The following ESR1 variants were observed in gnomAD, a reference collection of about 807,000 sequenced individuals.
The protein encoded by ESR1 is estrogen receptor.
ESR1 carries 12 observed loss-of-function variants against 52.7 expected under a neutral mutation model. The ratio of observed to expected loss-of-function variants is 0.23; its 90% confidence interval spans 0.15 to 0.37. The LOEUF is 0.37. Ranked by LOEUF, ESR1 falls within the 10% of genes least tolerant of loss-of-function variation. The pLI is 1.00. For missense variants in ESR1, 584 were observed against 779.7 expected (o/e 0.75, Z 2.99); for synonymous variants, 305 against 316.8 (o/e 0.96, Z 0.39).
intron 2 of ESR1, among the ~76,000 whole-genome samples, chr6:151,738,091 G>C (rs1395488646): frequency 6.6e-6 from 1 of 152,064 alleles, no homozygotes; most frequent in Admixed American, 6.6e-5. Flanking sequence ...ACATTTCATT[G>C]TTGTCTTTTC....
intron 1 of ESR1, among the ~76,000 whole-genome samples, chr6:151,694,322 G>A (rs1164525867): frequency 2.0e-5 from 3 of 152,198 alleles, no homozygotes; most frequent in Non-Finnish European, 4.4e-5. Context: ...GGGAAAGCAG[G>A]TTAAGCATCT....
chr6:151,855,116 G>A (rs766788712), intron 2 of ESR1, among the ~76,000 whole-genome samples: 1 of 152,178 alleles, frequency 6.6e-6, no homozygotes, highest in Non-Finnish European at 1.5e-5. Flanking sequence ...GTTTCACTGT[G>A]TTGGGCACAC....
intron 6 of ESR1, among the ~76,000 whole-genome samples, chr6:152,066,818 T>C (rs971526188): frequency 3.3e-5 from 5 of 152,196 alleles, no homozygotes. Context: ...TGCCACTTCC[T>C]TGGCGGAAGG....
chr6:152,024,493 C>T (rs2043954754), intron 5 of ESR1, among the ~76,000 whole-genome samples: 1 of 151,550 alleles, frequency 6.6e-6, no homozygotes, highest in African/African-American at 2.4e-5. Context: ...GACATTAAGT[C>T]TTCATATCTA....
At chr6:151,726,250 A>G (rs1370682394) in intron 2 of ESR1, among the ~76,000 whole-genome samples, 1 of 152,126 alleles carries the variant, frequency 6.6e-6, no homozygotes, top group African/African-American at 2.4e-5. Flanking sequence ...TATAGTTTGT[A>G]TAGTTTTCTA....
chr6:151,927,911 A>G (rs2033006582), intron 3 of ESR1, among the ~76,000 whole-genome samples: 2 of 151,534 alleles, frequency 1.3e-5, no homozygotes, highest in Admixed American at 1.3e-4. Flanking sequence ...TTTAGTAGAG[A>G]TGAAGTTTTA....
At chr6:152,027,255 G>A (rs972058723) in intron 5 of ESR1, among the ~76,000 whole-genome samples, 2 of 152,044 alleles carry the variant, frequency 1.3e-5, no homozygotes, top group Admixed American at 6.5e-5. Flanking sequence ...GTAAGCCACC[G>A]CACCCAGCCT....
chr6:151,994,326 T>C (rs998417038), intron 4 of ESR1, among the ~76,000 whole-genome samples: 1 of 152,152 alleles, frequency 6.6e-6, no homozygotes, highest in East Asian at 1.9e-4. Flanking sequence ...CCACATGATA[T>C]GGAAAACATT....
intron 2 of ESR1, among the ~76,000 whole-genome samples, chr6:151,875,663 C>A (rs1289072578): frequency 6.6e-6 from 1 of 152,094 alleles, no homozygotes; most frequent in African/African-American, 2.4e-5. Flanking sequence ...GACATCTTGA[C>A]TGGCACACTT....
intron 2 of ESR1, among the ~76,000 whole-genome samples, chr6:151,719,585 C>T (rs1428444799): frequency 6.6e-6 from 1 of 152,138 alleles, no homozygotes; most frequent in African/African-American, 2.4e-5. Flanking sequence ...GGTGCTGGGG[C>T]AGGTGAACTG....
At chr6:151,972,689 A>T (rs1338599167) in intron 4 of ESR1, among the ~76,000 whole-genome samples, 1 of 152,148 alleles carries the variant, frequency 6.6e-6, no homozygotes, top group African/African-American at 2.4e-5. Flanking sequence ...CTCTAGAGGG[A>T]CAGAACTAAT....
At chr6:152,120,075 GC>G (rs2152515925) in intron 6 of ESR1, among the ~76,000 whole-genome samples, 1 of 152,350 alleles carries the variant, frequency 6.6e-6, no homozygotes, top group Non-Finnish European at 1.5e-5. Context: ...GTTTTTCTCA[GC>G]AACATTTGCC....
At chr6:151,987,329 G>A (rs994368096) in intron 4 of ESR1, among the ~76,000 whole-genome samples, 4 of 152,142 alleles carry the variant, frequency 2.6e-5, no homozygotes, top group East Asian at 1.9e-4. Context: ...CGCAATCTCC[G>A]CTCGCTGCAA....
intron 2 of ESR1, among the ~76,000 whole-genome samples, chr6:151,860,819 A>C (rs890574260): frequency 6.6e-6 from 1 of 152,220 alleles, no homozygotes; most frequent in South Asian, 2.1e-4. Context: ...ATGTGTTACC[A>C]TTTCTGCTAT....
chr6:151,908,056 G>C (rs1459473093), intron 3 of ESR1, among the ~76,000 whole-genome samples: 3 of 152,116 alleles, frequency 2.0e-5, no homozygotes, highest in Non-Finnish European at 4.4e-5. Flanking sequence ...GGTTAGCCCT[G>C]GGTAAGGGGA....
At chr6:151,977,077 A>G (rs897858641) in intron 4 of ESR1, among the ~76,000 whole-genome samples, 2 of 152,102 alleles carry the variant, frequency 1.3e-5, no homozygotes, top group Non-Finnish European at 2.9e-5. Context: ...ATCTTTTGAA[A>G]TGTATTACTG....
chr6:151,936,286 A>G (rs181227217), intron 3 of ESR1: 9 of 152,294 alleles, frequency 5.9e-5, no homozygotes, highest in Admixed American at 5.2e-4. Context: ...GGGGAGAGCA[A>G]CTTTGAGGAA....
At chr6:152,038,157 T>C (rs1331970548) in intron 5 of ESR1, among the ~76,000 whole-genome samples, 1 of 151,546 alleles carries the variant, frequency 6.6e-6, no homozygotes, top group Admixed American at 6.6e-5. Context: ...AGCTAAAGGA[T>C]TGGAGTCCAA....
At chr6:151,956,847 TATATATATATATATAA>T (rs1459083756) in intron 4 of ESR1, among the ~76,000 whole-genome samples, 1 of 27,554 alleles carries the variant, frequency 3.6e-5, no homozygotes, top group Admixed American at 3.9e-4. Flanking sequence ...TAAATAAATA[TATATATATATATATAA>T]ATATATATAT....
Sources: allele counts gnomAD v4.1 joint callset (sites outside exome capture counted in the v4.1 genomes callset), GRCh38; gene constraint gnomAD v4.1.1; transcripts MANE v1.5; gene names NCBI Gene and HGNC (gene_info 2026-07-23, HGNC 2026-07-21).